Variants in ACTN1 observed in about 807,000 individuals in gnomAD.
ACTN1 encodes the protein actinin alpha 1.
Under a neutral mutation model 119.6 loss-of-function variants are expected in ACTN1, and 30 were observed. The observed-to-expected ratio is 0.25, with a 90% CI of 0.19 to 0.34. The LOEUF (loss-of-function observed/expected upper bound fraction) is 0.34. ACTN1 is among the 10% of genes least tolerant of loss of function. ACTN1 has a pLI of 1.00. For missense variants in ACTN1, 764 were observed against 1,223.4 expected (o/e 0.62, Z 5.60); for synonymous variants, 429 against 472.6 (o/e 0.91, Z 1.20).
At chr14:68,901,582 T>C (rs765906237) in intron 8 of ACTN1, among the ~76,000 whole-genome samples, 2 of 151,558 alleles carry the variant, frequency 1.3e-5, no homozygotes. Context: ...TCAGATGCCA[T>C]GTGGAGGGCA....
intron 11 of ACTN1, among the ~76,000 whole-genome samples, chr14:68,889,390 G>A (rs2032296898): frequency 6.6e-6 from 1 of 152,254 alleles, no homozygotes; most frequent in African/African-American, 2.4e-5. Flanking sequence ...AACAACCCAT[G>A]AGGAGACTGA....
intron 1 of ACTN1, chr14:68,947,372 G>A (rs2035977622): frequency 1.3e-5 from 2 of 152,220 alleles, no homozygotes; most frequent in Non-Finnish European, 2.9e-5. Flanking sequence ...ACCAGGTATG[G>A]GATGCCAGCT....
chr14:68,888,023 G>A (rs576871295), intron 11 of ACTN1: 138 of 740,376 alleles, frequency 1.9e-4, no homozygotes, highest in Admixed American at 2.3e-4. Flanking sequence ...CAACCGCGCC[G>A]ATCTCCTCTT....
At chr14:68,946,258 A>G (rs1310757334) in intron 1 of ACTN1, among the ~76,000 whole-genome samples, 5 of 152,144 alleles carry the variant, frequency 3.3e-5, no homozygotes, top group Non-Finnish European at 7.4e-5. Flanking sequence ...ATCCTCCTTA[A>G]GGGCCTCTTA....
At chr14:68,941,770 A>T in intron 1 of ACTN1, among the ~76,000 whole-genome samples, 1 of 152,166 alleles carries the variant, frequency 6.6e-6, no homozygotes, top group South Asian at 2.1e-4. Flanking sequence ...CTTGTCTACT[A>T]AACGGTCCCA....
Position 68,979,169 on chromosome 14 carries a change from C to A in ACTN1, c.-113G>T. 1.6e-6 allele frequency: 1 copy of A among 631,412 alleles called. No homozygotes were observed. 39.1% of individuals were successfully genotyped at this position (631,412 alleles called of 1,614,324 possible). A position where few individuals can be genotyped will look rare whatever the true frequency, so the allele number is the denominator to read the frequency against. On this transcript the variant is annotated 5_prime_UTR_variant, in exon 1 of 22. Coordinates refer to ENST00000394419, the MANE Select transcript of ACTN1 (RefSeq NM_001130004.2). ...GCTGGGCTGGGCTGGGCTGGCGGGG[C>A]CGGGCTCGCTCCCCTGCGCCCGGTT...
At chr14:68,904,869 C>T in intron 6 of ACTN1, 133 bp from the exon 7 acceptor site, 1 of 673,022 alleles carries the variant, frequency 1.5e-6, no homozygotes, top group Middle Eastern at 3.2e-4. Context: ...CCTCAGGGGA[C>T]AGCTCCAGAT....
Position 68,904,645 on chromosome 14 carries a change from C to A in ACTN1, c.676+10G>T, listed in dbSNP as rs1365627360. On this transcript the variant is annotated intron_variant, in intron 7 of 21. Coordinates refer to ENST00000394419, the MANE Select transcript of ACTN1 (RefSeq NM_001130004.2). ...ATGGGCAAGAGACACAGAAGGAAAG[C>A]GCCTTTCACCTTCGGCATCCAGCAT... 6.2e-7 allele frequency: 1 copy of A among 1,613,092 alleles called. No individual in the cohort carries two copies. Among genetic ancestry groups the A allele is most frequent in the Non-Finnish European group, 8.5e-7 (1 of 1,179,186 alleles).
Position 68,883,008 on chromosome 14 carries a change from G to A in ACTN1, c.1683C>T (p.Ala561=), listed in dbSNP as rs116455820. The change falls in exon 15 of 22, where the codon GCC becomes GCT. Residue 561 remains alanine, a synonymous_variant. Transcript: ENST00000394419. The part of the protein sequence containing the change: ...HEQFKATLPD[A]DKERLAILGI... ...CCAGGATGGCCAGGCGCTCCTTGTCGGCATCAGGGAGGGTGGCCTTGAACT... is the reference window on the plus strand; with the variant it reads ...CCAGGATGGCCAGGCGCTCCTTGTCAGCATCAGGGAGGGTGGCCTTGAACT... 1.9e-4 allele frequency: 304 copies of A among 1,614,146 alleles called. No individual in the cohort carries two copies. In the African/African-American group the frequency reaches 3.2e-3, roughly 17 times the overall value.
chr14:68,950,752 A>G (rs1269881702), intron 1 of ACTN1, among the ~76,000 whole-genome samples: 2 of 152,046 alleles, frequency 1.3e-5, no homozygotes, highest in South Asian at 4.2e-4. Flanking sequence ...TAGTAGAGAC[A>G]TGGTTTCACT....
intron 3 of ACTN1, among the ~76,000 whole-genome samples, chr14:68,912,879 T>C (rs2034086848): frequency 6.6e-6 from 1 of 152,180 alleles, no homozygotes; most frequent in Non-Finnish European, 1.5e-5. Context: ...ATCACAAATG[T>C]TCTGGCAATT....
At chr14:68,927,638 G>T (rs1011799684) in intron 1 of ACTN1, among the ~76,000 whole-genome samples, 1 of 152,164 alleles carries the variant, frequency 6.6e-6, no homozygotes, top group African/African-American at 2.4e-5. Flanking sequence ...GGACCCCCTG[G>T]ACACAGAAGA....
intron 1 of ACTN1, among the ~76,000 whole-genome samples, chr14:68,967,557 T>G (rs1014887063): frequency 6.6e-6 from 1 of 152,140 alleles, no homozygotes; most frequent in Non-Finnish European, 1.5e-5. Context: ...ATCCTCTAAA[T>G]GTCTTTAGAG....
chr14:68,882,835 G>A lies in ACTN1; in HGVS notation c.1818+38C>T, dbSNP rs1167339698. 2 of 1,592,596 alleles carry A rather than the reference G, an allele frequency of 1.3e-6. No individual in the cohort carries two copies. Among genetic ancestry groups the A allele is most frequent in the Non-Finnish European group, 1.7e-6 (2 of 1,165,878 alleles). ...AATGGACAAAAATCCCTGCCTTTAT[G>A]AAACTTACAATGGCTCGGCCCATGC... On this transcript the variant is annotated intron_variant, in intron 15 of 21. Coordinates refer to ENST00000394419, the MANE Select transcript of ACTN1 (RefSeq NM_001130004.2). This position sits in a 1 kb window ranked among gnomAD's most constrained non-coding sequence, Gnocchi z 4.5.
rs189356445 is a variant in ACTN1 at position 68,901,330 on chromosome 14, C to T, written c.762+1147G>A. Among the ~76,000 whole-genome samples, 509 of 150,060 alleles carry T rather than the reference C, an allele frequency of 3.4e-3. 1 individual carries two copies. The highest frequency in any genetic ancestry group is 0.012 in the African/African-American group (484 of 40,648). On this transcript the variant is annotated intron_variant, in intron 8 of 21. Coordinates refer to ENST00000394419, the MANE Select transcript of ACTN1 (RefSeq NM_001130004.2). ...TGGCACAATCTTGGCTCACTGCAAC[C>T]TCCACCTCTCGGGTTCAAGCGATTC...
chr14:68,910,577 C>T lies in ACTN1; in HGVS notation c.428-535G>A, dbSNP rs904553181. 3.3e-5 allele frequency among the ~76,000 whole-genome samples: 5 copies of T among 152,072 alleles called. No homozygotes were observed. In the South Asian group the frequency reaches 6.2e-4, roughly 19 times the overall value. On this transcript the variant is annotated intron_variant, in intron 4 of 21. Coordinates refer to ENST00000394419, the MANE Select transcript of ACTN1 (RefSeq NM_001130004.2). ...CTGCCCTCTGTGTGTGAAGCAGCCA[C>T]GTGTCTATGAGGTTAGGCAGGCAAC...
intron 1 of ACTN1, among the ~76,000 whole-genome samples, chr14:68,943,840 T>C (rs2140502003): frequency 6.6e-6 from 1 of 152,344 alleles, no homozygotes; most frequent in South Asian, 2.1e-4. Context: ...GAGGCAGAAC[T>C]GAGGTGTGAA....
intron 1 of ACTN1, among the ~76,000 whole-genome samples, chr14:68,949,042 T>A (rs922807298): frequency 1.3e-5 from 2 of 152,254 alleles, no homozygotes; most frequent in African/African-American, 2.4e-5. Flanking sequence ...CAGGAGCTCC[T>A]GCTCTGTTAG....
rs72718208 is a variant in ACTN1, at chr14:68,975,208, C to T, written c.105+3744G>A. 6.9e-3 allele frequency among the ~76,000 whole-genome samples: 1,055 copies of T among 152,338 alleles called. 5 individuals carry two copies. The highest frequency in any genetic ancestry group is 0.011 in the Non-Finnish European group (773 of 68,032). ...ATCGGGATGTGGGCCTTATTCACAA[C>T]CACCTCTATGCACTTGCCAACGCTG... On this transcript the variant is annotated intron_variant, in intron 1 of 21. Coordinates refer to ENST00000394419, the MANE Select transcript of ACTN1 (RefSeq NM_001130004.2).
Sources: gnomAD v4.1 joint callset for allele counts (sites outside exome capture counted in the v4.1 genomes callset) on GRCh38, gnomAD v4.1.1 for gene constraint, Gnocchi (gnomAD v3.1) non-coding constraint, MANE v1.5 for transcripts, NCBI Gene and HGNC (gene_info 2026-07-23, HGNC 2026-07-21) for gene names.